The following GLB1L3 variants were observed in gnomAD, a reference collection of about 807,000 sequenced individuals.
GLB1L3 encodes the protein galactosidase beta 1 like 3.
A neutral mutation model predicts 89.5 loss-of-function variants in GLB1L3; 89 were observed. That is an observed-to-expected ratio of 0.99 (90% CI 0.84 to 1.19). The LOEUF (loss-of-function observed/expected upper bound fraction) is 1.19, where lower values mean the gene tolerates loss of function less well. Ranked by LOEUF, GLB1L3 falls within the 50% of genes most tolerant of loss-of-function variation. The pLI, the probability that GLB1L3 is intolerant of heterozygous loss-of-function variation, is 0.00. For synonymous variants in GLB1L3, 314 were observed against 312.3 expected (o/e 1.01, Z -0.06); for missense variants, 812 against 813.3 (o/e 1.00, Z 0.02).
chr11:134,283,644 C>T, intron 5 of GLB1L3, 93 bp from the exon 6 acceptor site: 2 of 668,992 alleles, frequency 3.0e-6, no homozygotes, highest in Middle Eastern at 4.1e-4. Context: ...GGCAGCTGGG[C>T]AGATGTGCGG....
intron 18 of GLB1L3, among the ~76,000 whole-genome samples, chr11:134,318,424 C>T (rs1332086611): frequency 6.6e-6 from 1 of 152,168 alleles, no homozygotes; most frequent in African/African-American, 2.4e-5. Context: ...CAATAGCAGC[C>T]TTACCATTAA....
chr11:134,302,426 T>C (rs1048699138), intron 9 of GLB1L3, among the ~76,000 whole-genome samples: 1 of 152,218 alleles, frequency 6.6e-6, no homozygotes, highest in Non-Finnish European at 1.5e-5. Context: ...TTGGACATCA[T>C]AGTTGATAAC....
At chr11:134,305,671 T>C (rs1942172108) in intron 9 of GLB1L3, among the ~76,000 whole-genome samples, 1 of 151,854 alleles carries the variant, frequency 6.6e-6, no homozygotes. Flanking sequence ...AAATTACAAA[T>C]AAAGAAGAAA....
At chr11:134,286,618 A>G (rs1941002931) in intron 6 of GLB1L3, among the ~76,000 whole-genome samples, 3 of 151,648 alleles carry the variant, frequency 2.0e-5, no homozygotes, top group Admixed American at 2.0e-4. Context: ...CTACTAAAAA[A>G]TAGAAAAAAT....
At chr11:134,279,596 C>T (rs891887426) in intron 3 of GLB1L3, among the ~76,000 whole-genome samples, 2 of 152,048 alleles carry the variant, frequency 1.3e-5, no homozygotes, top group Non-Finnish European at 2.9e-5. Context: ...AAACTCCTGA[C>T]CTCAGGTGAT....
intron 10 of GLB1L3, among the ~76,000 whole-genome samples, chr11:134,308,462 CACCACCACCAA>C (rs1459203622): frequency 4.7e-5 from 2 of 42,318 alleles, no homozygotes; most frequent in East Asian, 9.0e-4. Flanking sequence ...CCACCACCAC[CACCACCACCAA>C]ATACCACCAC....
rs1942869671 is a variant in GLB1L3 at position 134,313,963 on chromosome 11, C to G, written c.1602C>G (p.Ile534Met). The G allele has an allele frequency of 2.5e-6, 4 of 1,611,826 alleles. No homozygotes were observed. The highest frequency in any genetic ancestry group is 3.4e-6 in the Non-Finnish European group (4 of 1,178,340). ...CAGGAATAACTGGATCTGTCAGCAT[C>G]AATAACTCTTCCCTGGAGGGCTTTA... is the stretch of plus-strand genomic sequence containing the variant. ...EQKGITGSVS[I>M]NNSSLEGFTI... is the part of the protein sequence containing the mutation. The change falls in exon 17 of 20, where the codon ATC becomes ATG. Residue 534 changes from isoleucine (I) to methionine (M), a missense_variant. Physicochemically the swap from Ile to Met is conservative, Grantham distance 10. Around this residue, in one of 3 missense-constraint regions of GLB1L3, gnomAD observed 618 missense variants for 604.0 expected, o/e 1.02. Coordinates refer to ENST00000431683, the MANE Select transcript of GLB1L3 (RefSeq NM_001080407.3).
At chr11:134,291,575 A>C (rs1303192296) in intron 7 of GLB1L3, among the ~76,000 whole-genome samples, 1 of 152,198 alleles carries the variant, frequency 6.6e-6, no homozygotes, top group African/African-American at 2.4e-5. Flanking sequence ...ATTACTTCTA[A>C]TACCCAATAT....
chr11:134,305,273 C>G, intron 9 of GLB1L3: 1 of 696,550 alleles, frequency 1.4e-6, no homozygotes, highest in Non-Finnish European at 2.6e-6. Flanking sequence ...CTTGTGCACC[C>G]TATTCTGTAA....
At chr11:134,289,029 G>A (rs1431524191) in intron 7 of GLB1L3, 139 bp downstream of exon 7, 1 of 598,428 alleles carries the variant, frequency 1.7e-6, no homozygotes. Flanking sequence ...GGTGCGGAGG[G>A]GTGCCGGCCC....
intron 9 of GLB1L3, among the ~76,000 whole-genome samples, chr11:134,300,685 C>T (rs1218466946): frequency 2.0e-5 from 3 of 152,132 alleles, no homozygotes; most frequent in African/African-American, 7.2e-5. Context: ...TCCTCTGAGG[C>T]CTCTCCTTAT....
At chr11:134,313,120 G>A (rs568826358) in intron 15 of GLB1L3, among the ~76,000 whole-genome samples, 1 of 152,324 alleles carries the variant, frequency 6.6e-6, no homozygotes, top group Non-Finnish European at 1.5e-5. Context: ...CAAGTCCTGA[G>A]CCTGTCCTCA....
At position 134,276,795 on chromosome 11, in the gene GLB1L3, C is replaced by T. The variant is rs1226952200; in HGVS notation, c.23+32C>T. On this transcript the variant is annotated intron_variant, in intron 1 of 19. Coordinates refer to ENST00000431683, the MANE Select transcript of GLB1L3 (RefSeq NM_001080407.3). ...GATCGCCGCTGCCGTCCCGGGCTGC[C>T]CACCACCCCGGCGCGTGCCCGGGAG... 37 of 1,399,674 alleles carry T rather than the reference C, an allele frequency of 2.6e-5. No individual in the cohort carries two copies. The Admixed American group carries it at 3.6e-4, about 13-fold the overall frequency. The allele number at this position is 1,399,674 out of a possible 1,614,324, so 86.7% of individuals were successfully genotyped here.
intron 5 of GLB1L3, 73 bp downstream of exon 5, chr11:134,282,193 A>C: frequency 1.4e-6 from 2 of 1,453,940 alleles, no homozygotes; most frequent in Admixed American, 4.8e-5. Flanking sequence ...ATTTCAAGCT[A>C]GTAACAAGGA....
intron 18 of GLB1L3, 88 bp downstream of exon 18, chr11:134,314,529 A>T: frequency 3.7e-6 from 3 of 806,974 alleles, no homozygotes; most frequent in Non-Finnish European, 6.3e-6. Flanking sequence ...TCCTGGAGGA[A>T]TACTTCCCTT....
chr11:134,305,384 C>T (rs1250031425), intron 9 of GLB1L3: 1 of 453,256 alleles, frequency 2.2e-6, no homozygotes, highest in Admixed American at 3.9e-5. Context: ...AGAGCATTCT[C>T]TCTCTACGTT....
chr11:134,320,369 T>C (rs1240042213), downstream of GLB1L3, among the ~76,000 whole-genome samples: 1 of 152,182 alleles, frequency 6.6e-6, no homozygotes, highest in Non-Finnish European at 1.5e-5. Context: ...TCTCTGGGGA[T>C]CTAGCCTCAA....
intron 3 of GLB1L3, among the ~76,000 whole-genome samples, chr11:134,281,169 T>C (rs542176629): frequency 4.6e-5 from 7 of 152,230 alleles, no homozygotes; most frequent in Non-Finnish European, 1.0e-4. Context: ...ATAGGATAAT[T>C]GGCAGCTTGA....
downstream of GLB1L3, among the ~76,000 whole-genome samples, chr11:134,320,741 A>C (rs567497246): frequency 9.2e-4 from 140 of 151,692 alleles, no homozygotes; most frequent in Non-Finnish European, 1.7e-3. Flanking sequence ...AGAAAAACAA[A>C]AAAAAAAAAC....
Sources: gnomAD v4.1 joint callset for allele counts (sites outside exome capture counted in the v4.1 genomes callset) on GRCh38, gnomAD v4.1.1 for gene constraint, gnomAD v4.1.1 regional missense constraint, MANE v1.5 for transcripts, NCBI Gene and HGNC (gene_info 2026-07-23, HGNC 2026-07-21) for gene names.